ROBO2: variants seen among roughly 807,000 people sequenced by gnomAD.
The protein encoded by ROBO2 is roundabout homolog 2.
In ROBO2, 53 loss-of-function variants were observed where a neutral mutation model predicts 160.8. The ratio of observed to expected loss-of-function variants is 0.33; its 90% CI spans 0.26 to 0.41. ROBO2 has a LOEUF of 0.41. Among genes scored for constraint, ROBO2 ranks in the 10% least tolerant of loss-of-function variants. The pLI is 1.00. For synonymous variants in ROBO2, 664 were observed against 611.7 expected (o/e 1.09, Z -1.26); for missense variants, 1,577 against 1,722.4 (o/e 0.92, Z 1.49).
intron 2 of ROBO2, among the ~76,000 whole-genome samples, chr3:76,277,878 T>A (rs927428890): frequency 4.0e-5 from 6 of 151,680 alleles, no homozygotes; most frequent in African/African-American, 1.4e-4. Context: ...GGTAAATAAA[T>A]AATAAGTCCA....
At chr3:77,126,979 C>T (rs572950322) in intron 2 of ROBO2, among the ~76,000 whole-genome samples, 23 of 151,162 alleles carry the variant, frequency 1.5e-4, no homozygotes, top group Admixed American at 2.0e-4. Flanking sequence ...TTAGTAGAGA[C>T]GGGGTTTCAC....
intron 2 of ROBO2, among the ~76,000 whole-genome samples, chr3:76,697,904 T>A (rs2107376369): frequency 6.6e-6 from 1 of 152,254 alleles, no homozygotes; most frequent in South Asian, 2.1e-4. Flanking sequence ...AATAGTATCT[T>A]AAAAAATTTG....
chr3:76,632,294 G>A lies in ROBO2; in HGVS notation c.110-465720G>A, dbSNP rs551754826. ...CTGAGCACTTGGCAAATAGACCTTG[G>A]GAAGGAAATGATAGATTTCGTTCCT... On this transcript the variant is annotated intron_variant, in intron 2 of 26. Transcript: ENST00000487694. 1.1e-4 allele frequency among the ~76,000 whole-genome samples: 16 copies of A among 152,250 alleles called. No homozygotes were observed. In the East Asian group the frequency reaches 2.9e-3, roughly 28 times the overall value.
intron 3 of ROBO2, among the ~76,000 whole-genome samples, chr3:77,480,768 T>C (rs2084591909): frequency 6.6e-6 from 1 of 152,108 alleles, no homozygotes; most frequent in Non-Finnish European, 1.5e-5. Context: ...TTCTTTCTGA[T>C]GACAAATGAC....
chr3:77,323,309 A>G (rs1013843715), intron 2 of ROBO2, among the ~76,000 whole-genome samples: 1 of 151,512 alleles, frequency 6.6e-6, no homozygotes, highest in African/African-American at 2.4e-5. Context: ...TCCTTTGGCA[A>G]TACTCACCTG....
chr3:75,949,560 T>C (rs1473989804), intron 2 of ROBO2, among the ~76,000 whole-genome samples: 3 of 152,072 alleles, frequency 2.0e-5, no homozygotes, highest in East Asian at 1.9e-4. Flanking sequence ...GATTTTTTTT[T>C]CCTTAAACAT....
At chr3:76,559,355 T>A (rs1021319539) in intron 2 of ROBO2, among the ~76,000 whole-genome samples, 3 of 152,168 alleles carry the variant, frequency 2.0e-5, no homozygotes, top group Admixed American at 2.0e-4. Flanking sequence ...TATCTTGCAT[T>A]CAGACATAAT....
intron 2 of ROBO2, among the ~76,000 whole-genome samples, chr3:77,410,053 T>A (rs2076579951): frequency 6.6e-6 from 1 of 152,204 alleles, no homozygotes; most frequent in South Asian, 2.1e-4. Context: ...ATCAGTAAAT[T>A]GCATGCAATA....
chr3:76,956,417 T>C (rs939549811), intron 2 of ROBO2, among the ~76,000 whole-genome samples: 4 of 151,174 alleles, frequency 2.6e-5, no homozygotes, highest in Non-Finnish European at 2.9e-5. Context: ...ATTAGCCGGG[T>C]GTGGTGGCGG....
intron 2 of ROBO2, among the ~76,000 whole-genome samples, chr3:77,323,000 T>TTATATTATGGATAATATAA (rs2064952590): frequency 7.0e-3 from 4 of 572 alleles, no homozygotes; most frequent in Non-Finnish European, 0.029. Flanking sequence ...ATATAATATA[T>TTATATTATGGATAATATAA]TATATTATAT....
chr3:76,634,060 A>T (rs528511837), intron 2 of ROBO2, among the ~76,000 whole-genome samples: 4 of 152,242 alleles, frequency 2.6e-5, no homozygotes, highest in Non-Finnish European at 5.9e-5. Flanking sequence ...CAATTATGCT[A>T]ATCACAAAAT....
chr3:77,519,784 G>T (rs1034936924), intron 5 of ROBO2, among the ~76,000 whole-genome samples: 7 of 151,154 alleles, frequency 4.6e-5, no homozygotes, highest in Non-Finnish European at 1.0e-4. Flanking sequence ...ATTTTCTTTT[G>T]GGTATATACA....
chr3:76,019,683 A>G (rs1476782628), intron 2 of ROBO2, among the ~76,000 whole-genome samples: 1 of 151,174 alleles, frequency 6.6e-6, no homozygotes, highest in Non-Finnish European at 1.5e-5. Context: ...GGAATTGTCT[A>G]ATATTTTCAT....
intron 2 of ROBO2, among the ~76,000 whole-genome samples, chr3:76,765,198 A>G (rs1377011008): frequency 4.0e-5 from 6 of 151,664 alleles, no homozygotes; most frequent in Non-Finnish European, 1.5e-5. Context: ...GAATTTTTTT[A>G]TTAGATAATA....
At chr3:76,207,699 T>C (rs1702895942) in intron 2 of ROBO2, among the ~76,000 whole-genome samples, 1 of 152,196 alleles carries the variant, frequency 6.6e-6, no homozygotes, top group South Asian at 2.1e-4. Flanking sequence ...GGATTAAATA[T>C]GAATTTGTGC....
chr3:77,340,890 T>C (rs1023884666), intron 2 of ROBO2, among the ~76,000 whole-genome samples: 4 of 152,138 alleles, frequency 2.6e-5, no homozygotes, highest in African/African-American at 9.7e-5. Flanking sequence ...TGAAAAAAAG[T>C]TTAGCTTTAG....
intron 2 of ROBO2, among the ~76,000 whole-genome samples, chr3:77,269,848 T>G (rs1200259159): frequency 2.0e-5 from 3 of 152,174 alleles, no homozygotes; most frequent in African/African-American, 7.2e-5. Flanking sequence ...CTGATGTATT[T>G]TCTCTCTAAT....
At chr3:77,412,389 A>G (rs528020503) in intron 2 of ROBO2, among the ~76,000 whole-genome samples, 11 of 152,360 alleles carry the variant, frequency 7.2e-5, no homozygotes, top group Non-Finnish European at 1.2e-4. Flanking sequence ...ACATGTGGCA[A>G]AAGACATATA....
At chr3:76,017,301 T>A (rs1043208731) in intron 2 of ROBO2, among the ~76,000 whole-genome samples, 1 of 152,176 alleles carries the variant, frequency 6.6e-6, no homozygotes, top group Non-Finnish European at 1.5e-5. Flanking sequence ...GCCTACCGAC[T>A]TTGTGACAGC....
Sources: allele counts gnomAD v4.1 joint callset (sites outside exome capture counted in the v4.1 genomes callset), GRCh38; gene constraint gnomAD v4.1.1; transcripts MANE v1.5; gene names NCBI Gene and HGNC (gene_info 2026-07-23, HGNC 2026-07-21).